Variants in SPATA6L observed in about 807,000 individuals in gnomAD.
The protein encoded by SPATA6L is spermatogenesis associated 6-like protein.
A neutral mutation model predicts 49.2 loss-of-function variants in SPATA6L; 68 were observed. The observed-to-expected ratio is 1.38, with a 90% confidence interval of 1.14 to 1.69. SPATA6L has a LOEUF of 1.69. Ranked by LOEUF, SPATA6L falls within the 40% of genes most tolerant of loss-of-function variation. The pLI is 0.00. For synonymous variants in SPATA6L, 198 were observed against 165.7 expected (o/e 1.19, Z -1.50); for missense variants, 668 against 464.3 (o/e 1.44, Z -4.03).
At chr9:4,628,455 T>C (rs996346141) in intron 5 of SPATA6L, 2 of 152,118 alleles carry the variant, frequency 1.3e-5, no homozygotes, top group Non-Finnish European at 2.9e-5. Context: ...TTTATCATTA[T>C]TTTTTTCTGA....
At chr9:4,623,157 G>A (rs951892460) in intron 6 of SPATA6L, among the ~76,000 whole-genome samples, 18 of 152,156 alleles carry the variant, frequency 1.2e-4, no homozygotes, top group Non-Finnish European at 2.6e-4. Context: ...GCGCATGCCT[G>A]TAATCCCAGC....
intron 4 of SPATA6L, chr9:4,632,883 T>G (rs1206325226): frequency 6.6e-6 from 1 of 152,212 alleles, no homozygotes; most frequent in Admixed American, 6.5e-5. Flanking sequence ...ATTCTCCAGT[T>G]CAGAATAATA....
Position 4,622,440 on chromosome 9 carries a change from T to G in SPATA6L, c.740A>C (p.Lys247Thr), listed in dbSNP as rs779841387. ...CGTTGGAAACGGAAAGTCTGAAAAC[T>G]TAGATTTTCTTCTAGACCTCCTCAA... ...HHLRRSRRKSKFSDFPFPTRR... is the reference protein window; with the variant it reads ...HHLRRSRRKSTFSDFPFPTRR... The change falls in exon 7 of 12, where the codon AAG becomes ACG. Residue 247 changes from lysine to threonine, a missense_variant. Physicochemically the swap from Lys to Thr is moderately conservative, Grantham distance 78. Coordinates refer to ENST00000682582, the MANE Select transcript of SPATA6L (RefSeq NM_001353486.2). 2 of 1,613,666 alleles carry G rather than the reference T, an allele frequency of 1.2e-6. No homozygotes were observed. Among genetic ancestry groups the G allele is most frequent in the African/African-American group, 2.7e-5 (2 of 74,924 alleles).
chr9:4,650,698 C>T (rs1052730528), intron 3 of SPATA6L, among the ~76,000 whole-genome samples: 6 of 152,096 alleles, frequency 3.9e-5, no homozygotes, highest in African/African-American at 1.4e-4. Context: ...CTTGCTCTGT[C>T]GCCCAGGCTA....
At chr9:4,620,172 G>A (rs1005336014) in intron 7 of SPATA6L, among the ~76,000 whole-genome samples, 1 of 152,114 alleles carries the variant, frequency 6.6e-6, no homozygotes, top group Admixed American at 6.5e-5. Context: ...GGCCCTTTCA[G>A]CTATAGCCAC....
intron 3 of SPATA6L, chr9:4,646,529 C>T (rs1001425548): frequency 1.3e-6 from 2 of 1,492,010 alleles, no homozygotes; most frequent in Non-Finnish European, 8.9e-7. Flanking sequence ...GCTAGGAAGC[C>T]TAAAAAGGAA....
chr9:4,640,229 C>T (rs898049599), intron 3 of SPATA6L, among the ~76,000 whole-genome samples: 2 of 152,292 alleles, frequency 1.3e-5, no homozygotes, highest in East Asian at 1.9e-4. Context: ...ACGCTGCCCC[C>T]CTGTGTCCAT....
At chr9:4,648,714 T>TAGA in intron 3 of SPATA6L, among the ~76,000 whole-genome samples, 1 of 145,208 alleles carries the variant, frequency 6.9e-6, no homozygotes, top group East Asian at 2.0e-4. Flanking sequence ...AATAAATAAA[T>TAGA]TAAATAAATA....
At chr9:4,622,204 G>C (rs576933728) in intron 7 of SPATA6L, among the ~76,000 whole-genome samples, 16 of 152,190 alleles carry the variant, frequency 1.1e-4, no homozygotes, top group South Asian at 2.1e-4. Context: ...CCCCTTCAAC[G>C]GCGAGGGGAA....
Position 4,635,395 on chromosome 9 carries a change from C to A in SPATA6L, c.231G>T (p.Trp77Cys). The change falls in exon 4 of 12, where the codon TGG (tryptophan) becomes TGT (cysteine). Residue 77 changes from tryptophan to cysteine, a missense_variant. Trp to Cys is a radical substitution (Grantham distance 215). Transcript: ENST00000682582. ...PGAVVDLLEM[W>C]DELAYYEENT... The stretch of plus-strand genomic sequence containing the variant: ...TTTCTTCGTAGTAGGCCAACTCATC[C>A]CACACTAGAAAGAAAATAGAAAAAG... 1 of 1,576,600 alleles carries A rather than the reference C, an allele frequency of 6.3e-7. No homozygotes were observed. The highest frequency in any genetic ancestry group is 8.6e-7 in the Non-Finnish European group (1 of 1,168,740).
At chr9:4,630,544 T>C (rs535253433) in intron 4 of SPATA6L, among the ~76,000 whole-genome samples, 2 of 152,190 alleles carry the variant, frequency 1.3e-5, no homozygotes, top group Non-Finnish European at 2.9e-5. Flanking sequence ...ATCTTCCTTC[T>C]TTTCTTTTCC....
intron 4 of SPATA6L, among the ~76,000 whole-genome samples, chr9:4,629,612 C>A (rs900845822): frequency 1.3e-5 from 2 of 151,834 alleles, no homozygotes; most frequent in African/African-American, 4.8e-5. Context: ...CTCTACCTAC[C>A]TGCTTTGAAA....
chr9:4,608,001 T>A (rs1564135246), intron 9 of SPATA6L, among the ~76,000 whole-genome samples: 1 of 141,170 alleles, frequency 7.1e-6, no homozygotes, highest in African/African-American at 2.7e-5. Context: ...AATCCTAGTC[T>A]CGGATAAAAC....
At chr9:4,628,892 C>T (rs532946527) in intron 5 of SPATA6L, 199 bp downstream of exon 5, 20 of 524,854 alleles carry the variant, frequency 3.8e-5, no homozygotes, top group South Asian at 7.5e-5. Flanking sequence ...TGCTGCCAAA[C>T]GTATGTACCA....
chr9:4,594,502 G>A (rs752331836), downstream of SPATA6L, among the ~76,000 whole-genome samples: 20 of 152,202 alleles, frequency 1.3e-4, no homozygotes, highest in Non-Finnish European at 1.9e-4. Flanking sequence ...GTGAGCCACC[G>A]CGCCCAGCGG....
intron 3 of SPATA6L, among the ~76,000 whole-genome samples, chr9:4,650,213 C>G (rs1040111022): frequency 6.6e-6 from 1 of 152,186 alleles, no homozygotes; most frequent in Non-Finnish European, 1.5e-5. Context: ...TAGCCTGCTC[C>G]CATTCTGACT....
intron 9 of SPATA6L, among the ~76,000 whole-genome samples, chr9:4,611,227 G>C (rs1826636425): frequency 6.9e-6 from 1 of 145,328 alleles, no homozygotes. Flanking sequence ...AACCATTGTG[G>C]AAGTCAGTGT....
At chr9:4,597,770 C>T (rs984747153), downstream of SPATA6L, among the ~76,000 whole-genome samples, 1 of 152,114 alleles carries the variant, frequency 6.6e-6, no homozygotes, top group African/African-American at 2.4e-5. Context: ...CTAAGTAGTG[C>T]TAGGAGGGGT....
rs143103484 is a variant in SPATA6L at position 4,644,817 on chromosome 9, T to C, written c.227-9418A>G. ...ACTGGGTGGCAGGTCCTAACCTCTCTCACCAGCTCAGGTCTTATGTCACTC... is the reference window on the plus strand; with the variant it reads ...ACTGGGTGGCAGGTCCTAACCTCTCCCACCAGCTCAGGTCTTATGTCACTC... On this transcript the variant is annotated intron_variant, in intron 3 of 11. Coordinates refer to ENST00000682582, the MANE Select transcript of SPATA6L (RefSeq NM_001353486.2). Among the ~76,000 whole-genome samples, 566 of 152,210 alleles carry C rather than the reference T, an allele frequency of 3.7e-3. 2 individuals carry two copies. Among genetic ancestry groups the C allele is most frequent in the African/African-American group, 0.011 (458 of 41,520 alleles).
Sources: gnomAD v4.1 joint callset for allele counts (sites outside exome capture counted in the v4.1 genomes callset) on GRCh38, gnomAD v4.1.1 for gene constraint, MANE v1.5 for transcripts, NCBI Gene and HGNC (gene_info 2026-07-23, HGNC 2026-07-21) for gene names.